Variants in RGL1 observed in about 807,000 individuals in gnomAD.
RGL1 encodes ral guanine nucleotide dissociation stimulator-like 1.
Under a neutral mutation model 95.2 loss-of-function variants are expected in RGL1, and 24 were observed. That is an observed-to-expected ratio of 0.25 (90% confidence interval 0.18 to 0.35). RGL1 has a LOEUF of 0.35. Among genes scored for constraint, RGL1 ranks in the 10% least tolerant of loss-of-function variants. The probability of loss-of-function intolerance (pLI) is 1.00; values close to 1 mark genes in which losing one functional copy is unlikely to be tolerated. For missense variants in RGL1, 715 were observed against 936.3 expected, an observed-to-expected ratio of 0.76 and a Z score of 3.08; for synonymous variants, 329 against 344.9, an observed-to-expected ratio of 0.95 and a Z score of 0.51.
chr1:183,814,914 CTG>C (rs1558223264), intron 2 of RGL1, among the ~76,000 whole-genome samples: 1 of 152,184 alleles, frequency 6.6e-6, no homozygotes, highest in African/African-American at 2.4e-5. Flanking sequence ...GTAAAAATAA[CTG>C]AAACTGGATT....
At chr1:183,881,953 C>T (rs1666847873) in intron 5 of RGL1, among the ~76,000 whole-genome samples, 1 of 152,210 alleles carries the variant, frequency 6.6e-6, no homozygotes, top group African/African-American at 2.4e-5. Flanking sequence ...CTGGGGCTGC[C>T]CCTGGCTCTG....
At chr1:183,784,169 T>C (rs1660037659) in intron 2 of RGL1, among the ~76,000 whole-genome samples, 1 of 151,974 alleles carries the variant, frequency 6.6e-6, no homozygotes, top group African/African-American at 2.4e-5. Context: ...TGTGAGGAAG[T>C]CTAGGCTGGC....
At chr1:183,637,357 C>T (rs1166964903) in intron 1 of RGL1, among the ~76,000 whole-genome samples, 1 of 151,970 alleles carries the variant, frequency 6.6e-6, no homozygotes, top group East Asian at 1.9e-4. Context: ...TTCCATATGA[C>T]AAAAAGCTAA....
intron 2 of RGL1, 119 bp from the exon 3 acceptor site, chr1:183,847,443 GATAA>G (rs1558245551): frequency 7.9e-5 from 68 of 857,710 alleles, no homozygotes; most frequent in Non-Finnish European, 1.0e-4. Context: ...TAACAAAAGG[GATAA>G]ATAAATAAAT....
At chr1:183,916,406 G>A (rs560597155) in intron 15 of RGL1, 41 bp from the exon 16 acceptor site, 39 of 1,606,484 alleles carry the variant, frequency 2.4e-5, no homozygotes, top group African/African-American at 8.0e-5. Context: ...GTTGGCCAGC[G>A]TTCTAATCTG....
At chr1:183,876,321 C>T (rs967716426) in intron 4 of RGL1, among the ~76,000 whole-genome samples, 1 of 152,248 alleles carries the variant, frequency 6.6e-6, no homozygotes, top group Non-Finnish European at 1.5e-5. Context: ...CTTCCTTCCC[C>T]TATAGACGAT....
intron 2 of RGL1, among the ~76,000 whole-genome samples, chr1:183,786,621 A>G (rs542115404): frequency 1.3e-5 from 2 of 152,326 alleles, no homozygotes; most frequent in South Asian, 2.1e-4. Context: ...GGGATGCTCA[A>G]TCTCTACTAA....
chr1:183,867,815 G>A (rs967014045), intron 4 of RGL1, among the ~76,000 whole-genome samples: 1 of 152,070 alleles, frequency 6.6e-6, no homozygotes, highest in Non-Finnish European at 1.5e-5. Flanking sequence ...CCAAAAGTCT[G>A]GGGGGAATCC....
At chr1:183,921,228 C>G (rs528061542) in intron 16 of RGL1, among the ~76,000 whole-genome samples, 1 of 152,298 alleles carries the variant, frequency 6.6e-6, no homozygotes, top group South Asian at 2.1e-4. Context: ...TTTTAAAACA[C>G]TTACAAGCTG....
At chr1:183,857,398 T>C (rs1451227513) in intron 3 of RGL1, among the ~76,000 whole-genome samples, 2 of 152,234 alleles carry the variant, frequency 1.3e-5, no homozygotes, top group Non-Finnish European at 2.9e-5. Context: ...AAATTTGTAT[T>C]GTTATAAGCC....
At chr1:183,643,944 T>G (rs2101980865) in intron 1 of RGL1, among the ~76,000 whole-genome samples, 1 of 152,254 alleles carries the variant, frequency 6.6e-6, no homozygotes, top group South Asian at 2.1e-4. Context: ...GGGATTTATG[T>G]TTGGCATGAG....
chr1:183,735,574 C>T (rs553220402), intron 1 of RGL1, among the ~76,000 whole-genome samples: 85 of 152,150 alleles, frequency 5.6e-4, no homozygotes, highest in African/African-American at 1.9e-3. Context: ...AACTGAGTTG[C>T]CTTATATAGA....
chr1:183,743,417 CT>C (rs1657435173), intron 2 of RGL1, among the ~76,000 whole-genome samples: 1 of 152,242 alleles, frequency 6.6e-6, no homozygotes, highest in Non-Finnish European at 1.5e-5. Flanking sequence ...ACAGAGAACA[CT>C]TTGTCAATGG....
intron 1 of RGL1, among the ~76,000 whole-genome samples, chr1:183,731,266 G>A (rs1389141442): frequency 1.3e-5 from 2 of 152,094 alleles, no homozygotes; most frequent in Non-Finnish European, 2.9e-5. Context: ...TATTTCTGTG[G>A]CAAAAATTTA....
intron 3 of RGL1, among the ~76,000 whole-genome samples, chr1:183,851,517 T>G (rs962609050): frequency 2.9e-4 from 44 of 152,134 alleles, no homozygotes; most frequent in African/African-American, 1.1e-3. Flanking sequence ...TACATATCCA[T>G]AAGACCTGGA....
At chr1:183,715,391 A>G (rs1397801820) in intron 1 of RGL1, among the ~76,000 whole-genome samples, 1 of 151,956 alleles carries the variant, frequency 6.6e-6, no homozygotes, top group African/African-American at 2.4e-5. Context: ...TGGTGAACTG[A>G]TTGTTATATA....
chr1:183,729,952 G>A (rs1258896602), intron 1 of RGL1, among the ~76,000 whole-genome samples: 8 of 152,124 alleles, frequency 5.3e-5, no homozygotes, highest in Admixed American at 1.3e-4. Flanking sequence ...ATGGTTGCCC[G>A]GGGCCAGTGA....
At chr1:183,700,360 A>G (rs1654514591) in intron 1 of RGL1, among the ~76,000 whole-genome samples, 1 of 152,106 alleles carries the variant, frequency 6.6e-6, no homozygotes, top group Admixed American at 6.5e-5. Flanking sequence ...GTATAGTATC[A>G]TAAATATGGG....
At chr1:183,874,687 A>G (rs1430643506) in intron 4 of RGL1, among the ~76,000 whole-genome samples, 1 of 152,190 alleles carries the variant, frequency 6.6e-6, no homozygotes. Context: ...AAATGTGACA[A>G]TGTAAAGTGT....
Sources: allele counts gnomAD v4.1 joint callset (sites outside exome capture counted in the v4.1 genomes callset), GRCh38; gene constraint gnomAD v4.1.1; transcripts MANE v1.5; gene names NCBI Gene and HGNC (gene_info 2026-07-23, HGNC 2026-07-21).